Variants in L1CAM observed in about 807,000 individuals in gnomAD.
L1CAM encodes the protein neural cell adhesion molecule L1.
Under a neutral mutation model 93.0 loss-of-function variants are expected in L1CAM, and 8 were observed. That is an observed-to-expected ratio of 0.09 (90% CI 0.05 to 0.16). The LOEUF (loss-of-function observed/expected upper bound fraction) is 0.16. Among genes scored for constraint, L1CAM ranks in the 10% least tolerant of loss-of-function variants. The pLI, the probability that L1CAM is intolerant of heterozygous loss-of-function variation, is 1.00. For missense variants in L1CAM, 777 were observed against 1,073.4 expected, an observed-to-expected ratio of 0.72 and a Z score of 3.86; for synonymous variants, 453 against 453.0, an observed-to-expected ratio of 1.00 and a Z score of 0.00.
chrX:153,866,877 G>A lies in L1CAM; in HGVS notation c.2209-6C>T, dbSNP rs7885771. The A allele has an allele frequency of 0.01, 12,381 of 1,202,981 alleles. 818 individuals carry two copies. The African/African-American group carries it at 0.19, about 18-fold the overall frequency. The stretch of plus-strand genomic sequence containing the variant: ...CAGTCCATCCACCGGAGCGGCTGGA[G>A]GAGGCCAGCAGAAGAGGAGTTGGTT... On this transcript the variant is annotated splice_polypyrimidine_tract_variant and splice_region_variant and intron_variant, in intron 18 of 28. Coordinates refer to ENST00000370060, the MANE Select transcript of L1CAM (RefSeq NM_001278116.2).
At position 153,864,987 on chromosome X, in the gene L1CAM, C is replaced by T. The variant is rs1029546977; in HGVS notation, c.2880G>A (p.Glu960=). 1.6e-6 allele frequency: 2 copies of T among 1,212,486 alleles called. No individual in the cohort carries two copies. Among genetic ancestry groups the T allele is most frequent in the Non-Finnish European group, 2.2e-6 (2 of 895,612 alleles). ...GYVLSYHPLD[E]GGKGQLSFNL... is the part of the protein sequence containing the mutation. ...TGAAGGACAGTTGCCCCTTGCCCCC[C>T]TCATCCACTGTGGGGACAGACAGGG... Residue 960 remains glutamate, a synonymous_variant, in exon 23 of 29, where the codon GAG becomes GAA. Transcript: ENST00000370060.
Position 153,864,851 on chromosome X carries a change from C to G in L1CAM, c.3016G>C (p.Val1006Leu), listed in dbSNP as rs201128366. 1 of 1,212,401 alleles carries G rather than the reference C, an allele frequency of 8.2e-7. No homozygotes were observed. The highest frequency in any genetic ancestry group is 2.2e-5 in the Admixed American group (1 of 46,154). ...AAGGCCATAGTGCCTCCTTCCCGTA[C>G]GATGGCTTCACCAGGGCCCTCTTTG... is the stretch of plus-strand genomic sequence containing the variant. ...TTKEGPGEAI[V>L]REGGTMALSG... is the part of the protein sequence containing the mutation. Residue 1006 changes from valine to leucine, a missense_variant, in exon 23 of 29, where the codon GTA becomes CTA. Physicochemically the swap from Val to Leu is conservative, Grantham distance 32 (BLOSUM62 1). Transcript: ENST00000370060.
intron 1 of L1CAM, chrX:153,885,364 G>T (rs1354462602): frequency 3.1e-6 from 3 of 980,092 alleles, no homozygotes; most frequent in Admixed American, 6.1e-5. Flanking sequence ...TGGCCACAGA[G>T]CCTGTGGAAA....
In L1CAM at chrX:153,862,622, T is replaced by C; in HGVS notation, c.*41A>G. On this transcript the variant is annotated 3_prime_UTR_variant, in exon 29 of 29. Transcript: ENST00000370060. Reference sequence around the variant, plus strand: ...CCTGCTGGAGAGGGAGGGGCCTGGATCCCAAGGCCAGGGGCACAGCATCTC... The same window carrying C: ...CCTGCTGGAGAGGGAGGGGCCTGGACCCCAAGGCCAGGGGCACAGCATCTC... The C allele has an allele frequency of 1.8e-6, 2 of 1,083,886 alleles. No homozygotes were observed. The highest frequency in any genetic ancestry group is 2.5e-6 in the Non-Finnish European group (2 of 789,420). 89.3% of individuals were successfully genotyped at this position (1,083,886 alleles called of 1,213,427 possible).
chrX:153,877,322 C>G (rs1257178237), intron 1 of L1CAM, among the ~76,000 whole-genome samples: 4 of 93,530 alleles, frequency 4.3e-5, no homozygotes, highest in South Asian at 5.4e-4. Context: ...AAAAGCCAGG[C>G]GTGGTGGCTC....
At chrX:153,864,558 C>G (rs782595197) in intron 24 of L1CAM, 27 bp downstream of exon 24, 1 of 1,204,257 alleles carries the variant, frequency 8.3e-7, no homozygotes, top group South Asian at 1.8e-5. Context: ...TTCCCCACCA[C>G]GCCCCAAGGC....
intron 8 of L1CAM, 70 bp from the exon 9 acceptor site, chrX:153,870,310 C>A (rs968142907): frequency 2.5e-6 from 3 of 1,180,839 alleles, no homozygotes; most frequent in South Asian, 1.8e-5. Flanking sequence ...GCCCCCTATA[C>A]CCCGCGGTGG....
intron 6 of L1CAM, 34 bp from the exon 7 acceptor site, chrX:153,870,994 C>G (rs1557092938): frequency 2.5e-6 from 3 of 1,211,257 alleles, no homozygotes; most frequent in East Asian, 3.0e-5. Flanking sequence ...GTCATGACCC[C>G]GTCCAGGAAG....
At chrX:153,882,685 T>A (rs782400914) in intron 1 of L1CAM, among the ~76,000 whole-genome samples, 7 of 110,139 alleles carry the variant, frequency 6.4e-5, no homozygotes, top group South Asian at 7.7e-4. Context: ...GGTTCAGAAG[T>A]CCTCTTTGGC....
At chrX:153,863,815 G>T in intron 26 of L1CAM, 68 bp downstream of exon 26, 1 of 1,189,099 alleles carries the variant, frequency 8.4e-7, no homozygotes, top group East Asian at 3.0e-5. Flanking sequence ...CTTGCAGAAG[G>T]GTGGAAGGGG....
chrX:153,871,454 C>T (rs1007120435), intron 5 of L1CAM, among the ~76,000 whole-genome samples: 7 of 110,018 alleles, frequency 6.4e-5, no homozygotes, highest in African/African-American at 2.3e-4. Flanking sequence ...CCCTGCCCAC[C>T]CTAGGAAAGG....
At position 153,863,469 on chromosome X, in the gene L1CAM, C is replaced by T. The variant is rs200870843; in HGVS notation, c.3530+8G>A. 1.7e-4 allele frequency: 206 copies of T among 1,209,081 alleles called. No homozygotes were observed. The African/African-American group carries it at 2.9e-3, about 17-fold the overall frequency. On this transcript the variant is annotated splice_region_variant and intron_variant, in intron 27 of 28. Coordinates refer to ENST00000370060, the MANE Select transcript of L1CAM (RefSeq NM_001278116.2). Reference sequence around the variant, plus strand: ...TGAGTGCCAGCACCCACTCCTGCCCCGGCTCACCTGTACTCGCCGAAGGTC... The same window carrying T: ...TGAGTGCCAGCACCCACTCCTGCCCTGGCTCACCTGTACTCGCCGAAGGTC...
chrX:153,863,545 C>A lies in L1CAM; in HGVS notation c.3462G>T (p.Lys1154Asn). Residue 1154 changes from lysine to asparagine, a missense_variant, in exon 27 of 29, where the codon AAG becomes AAT. This residue lies in a region of L1CAM where 110 missense variants were observed against 141.7 expected (regional missense o/e 0.78). Coordinates refer to ENST00000370060, the MANE Select transcript of L1CAM (RefSeq NM_001278116.2). ...AGTCCACCTGGGTGTCCTCCTTATC[C>A]TTCACTGGAGACACAGAGAGGGACA... ...KRSKGGKYSV[K>N]DKEDTQVDSE... 8.3e-7 allele frequency: 1 copy of A among 1,208,398 alleles called. No individual in the cohort carries two copies. Among genetic ancestry groups the A allele is most frequent in the Non-Finnish European group, 1.1e-6 (1 of 892,757 alleles).
chrX:153,861,515 C>T (rs1300793506), downstream of L1CAM: 1 of 111,776 alleles, frequency 8.9e-6, no homozygotes, highest in Non-Finnish European at 1.9e-5. Context: ...AAAAGGTGCT[C>T]TTGATTTTCA....
chrX:153,881,561 G>A (rs2064845076), intron 1 of L1CAM, among the ~76,000 whole-genome samples: 1 of 111,751 alleles, frequency 8.9e-6, no homozygotes, highest in Non-Finnish European at 1.9e-5. Context: ...GCTGAAGCCC[G>A]ACACCAAACA....
Position 153,870,967 on chromosome X carries a change from G to A in L1CAM, c.524-7C>T, listed in dbSNP as rs1557092918. On this transcript the variant is annotated splice_polypyrimidine_tract_variant and splice_region_variant and intron_variant, in intron 6 of 28. Coordinates refer to ENST00000370060, the MANE Select transcript of L1CAM (RefSeq NM_001278116.2). ...TGCTTGATGTGCAAGATCTCTGCAG[G>A]GGGCAAGGAGGCCGAAGTCATGACC... 8.3e-7 allele frequency: 1 copy of A among 1,211,174 alleles called. No individual in the cohort carries two copies. Among genetic ancestry groups the A allele is most frequent in the East Asian group, 3.0e-5 (1 of 33,814 alleles).
rs919529733 is a variant in L1CAM, at chrX:153,865,618, G to A, written c.2547+86C>T. 9 of 1,009,528 alleles carry A rather than the reference G, an allele frequency of 8.9e-6. No individual in the cohort carries two copies. In the East Asian group the frequency reaches 1.2e-4, roughly 14 times the overall value. 83.2% of individuals were successfully genotyped at this position (1,009,528 alleles called of 1,213,427 possible). ...CTCAACCCAAGTCTTCCAGGAGAGC[G>A]GCTGGCAGGTGGCAAAGCCCCCTCA... On this transcript the variant is annotated intron_variant, in intron 20 of 28. Transcript: ENST00000370060.
chrX:153,879,389 A>C lies in L1CAM; in HGVS notation c.-108-3445T>G, dbSNP rs782282585. Among the ~76,000 whole-genome samples, 148 of 101,740 alleles carry C rather than the reference A, an allele frequency of 1.5e-3. 1 individual carries two copies. Among genetic ancestry groups the C allele is most frequent in the Non-Finnish European group, 2.5e-3 (127 of 49,853 alleles). The allele number at this position is 101,740 out of a possible 115,157, so 88.3% of individuals were successfully genotyped here. A position where few individuals can be genotyped will look rare whatever the true frequency, so the allele number is the denominator to read the frequency against. On this transcript the variant is annotated intron_variant, in intron 1 of 28. Transcript: ENST00000370060. Reference sequence around the variant, plus strand: ...GGCAGCTGCAGAGTGCGCCGCTGAGAAATGGCAGAAAGAGCGAGAAGAGTG... The same window carrying C: ...GGCAGCTGCAGAGTGCGCCGCTGAGCAATGGCAGAAAGAGCGAGAAGAGTG...
rs1557089353 is a variant in L1CAM, at chrX:153,862,845, C to T, written c.3592G>A (p.Asp1198Asn). ...FGSSQPSLNG[D>N]IKPLGSDDSL... is the part of the protein sequence containing the mutation. ...TCGTCACTGCCCAGGGGCTTGATGT[C>T]CCCGTTGAGCGATGGCTGGCTGCTG... Residue 1198 changes from aspartate (D) to asparagine (N), a missense_variant, in exon 29 of 29, where the codon GAC (aspartate) becomes AAC (asparagine). This residue lies in a region of L1CAM where 110 missense variants were observed against 141.7 expected (regional missense o/e 0.78). Transcript: ENST00000370060. The T allele has an allele frequency of 8.3e-7, 1 of 1,211,212 alleles. No homozygotes were observed. The highest frequency in any genetic ancestry group is 1.1e-6 in the Non-Finnish European group (1 of 895,382).
Sources: allele counts gnomAD v4.1 joint callset (sites outside exome capture counted in the v4.1 genomes callset), GRCh38; gene constraint gnomAD v4.1.1; regional missense constraint gnomAD v4.1.1; transcripts MANE v1.5; gene names NCBI Gene and HGNC (gene_info 2026-07-23, HGNC 2026-07-21).